Variants in GLT1D1 observed in about 807,000 individuals in gnomAD.
GLT1D1 encodes the protein glycosyltransferase 1 domain-containing protein 1.
Under a neutral mutation model 28.7 loss-of-function variants are expected in GLT1D1, and 21 were observed. That is an observed-to-expected ratio of 0.73 (90% CI 0.52 to 1.05). The LOEUF is 1.05. Among genes scored for constraint, GLT1D1 ranks in the 50% least tolerant of loss-of-function variants. The pLI, the probability that GLT1D1 is intolerant of heterozygous loss-of-function variation, is 0.00. For synonymous variants in GLT1D1, 147 were observed against 124.8 expected (o/e 1.18, Z -1.19); for missense variants, 343 against 330.6 (o/e 1.04, Z -0.29).
intron 4 of GLT1D1, 134 bp downstream of exon 6, chr12:128,915,123 G>C (rs193183980): frequency 5.8e-5 from 39 of 670,086 alleles, no homozygotes; most frequent in South Asian, 4.6e-4. Context: ...TCTGTCTGCG[G>C]CTTCATGAGT....
chr12:128,874,124 C>CTCTTTCTT lies in GLT1D1; in HGVS notation c.69-1744_69-1737dup, dbSNP rs756979442. ...TCTCTCTCTCTCTCTCTCTCTCTCT[C>CTCTTTCTT]TCTTTCTTTCTTTCTTTCTTTCTTT... On this transcript the variant is annotated intron_variant, in intron 1 of 7. Transcript: ENST00000281703. Among the ~76,000 whole-genome samples the CTCTTTCTT allele has an allele frequency of 9.9e-4, 39 of 39,266 alleles. 1 individual carries two copies. Among genetic ancestry groups the CTCTTTCTT allele is most frequent in the Middle Eastern group, 0.017 (1 of 58 alleles). 25.8% of individuals were successfully genotyped at this position (39,266 alleles called of 152,430 possible). A position where few individuals can be genotyped will look rare whatever the true frequency, so the allele number is the denominator to read the frequency against.
At chr12:128,927,999 C>CAAAAAAAAAAAAAAAAAAAAAA (rs938188484) in intron 4 of GLT1D1, among the ~76,000 whole-genome samples, 8 of 42,250 alleles carry the variant, frequency 1.9e-4, no homozygotes, top group African/African-American at 2.3e-4. Context: ...GACTCTGTCT[C>CAAAAAAAAAAAAAAAAAAAAAA]AAAAAAAAAA....
chr12:128,963,907 C>A (rs563693499), intron 7 of GLT1D1, among the ~76,000 whole-genome samples: 5 of 152,318 alleles, frequency 3.3e-5, no homozygotes, highest in African/African-American at 1.2e-4. Context: ...CCATCATGAG[C>A]GACACCTGTC....
chr12:128,889,631 G>A (rs999639433), intron 3 of GLT1D1, among the ~76,000 whole-genome samples: 1 of 152,128 alleles, frequency 6.6e-6, no homozygotes, highest in African/African-American at 2.4e-5. Flanking sequence ...ATGTCAATAC[G>A]GTGAAAGGAG....
chr12:128,957,780 G>A (rs1877453228), intron 7 of GLT1D1, 137 bp downstream of exon 11: 1 of 600,990 alleles, frequency 1.7e-6, no homozygotes, highest in African/African-American at 1.8e-5. Context: ...GCTGTCTTCT[G>A]TTATCACCTG....
intron 2 of GLT1D1, among the ~76,000 whole-genome samples, chr12:128,878,103 T>C (rs1344890217): frequency 6.6e-6 from 1 of 152,196 alleles, no homozygotes; most frequent in Non-Finnish European, 1.5e-5. Context: ...TCCCACAATA[T>C]CCTTCTGATT....
chr12:128,877,351 G>T (rs964767326), intron 2 of GLT1D1, among the ~76,000 whole-genome samples: 1 of 152,110 alleles, frequency 6.6e-6, no homozygotes, highest in Non-Finnish European at 1.5e-5. Context: ...ATTAAATTTT[G>T]GTCAGCAAAA....
chr12:128,940,281 A>C (rs963254498), intron 4 of GLT1D1, among the ~76,000 whole-genome samples: 1 of 152,186 alleles, frequency 6.6e-6, no homozygotes. Context: ...TCTAACAGCA[A>C]CCAGAGAGGC....
At chr12:128,981,175 C>A (rs748752402) in intron 7 of GLT1D1, among the ~76,000 whole-genome samples, 1 of 152,216 alleles carries the variant, frequency 6.6e-6, no homozygotes, top group African/African-American at 2.4e-5. Context: ...TTACTCATAA[C>A]CCCCCTCTCT....
chr12:128,864,224 C>G (rs539726608), intron 1 of GLT1D1: 1 of 612,900 alleles, frequency 1.6e-6, no homozygotes, highest in Admixed American at 2.5e-5. Flanking sequence ...ACGGGCACTC[C>G]GAGAGGCTTC....
intron 1 of GLT1D1, among the ~76,000 whole-genome samples, chr12:128,867,573 G>A (rs866038195): frequency 1.3e-5 from 2 of 152,116 alleles, no homozygotes; most frequent in Admixed American, 6.6e-5. Context: ...AGGTTCCGAC[G>A]CAGTAGTGAG....
chr12:128,982,376 T>C (rs1402693387), intron 7 of GLT1D1, among the ~76,000 whole-genome samples: 1 of 152,212 alleles, frequency 6.6e-6, no homozygotes, highest in Non-Finnish European at 1.5e-5. Context: ...AACCCAGGTC[T>C]GGCTCTGAAG....
chr12:128,880,650 A>G (rs915399924), intron 2 of GLT1D1, among the ~76,000 whole-genome samples: 1 of 152,186 alleles, frequency 6.6e-6, no homozygotes, highest in Non-Finnish European at 1.5e-5. Flanking sequence ...TGGCTGTGTG[A>G]TATTTCATTC....
intron 7 of GLT1D1, among the ~76,000 whole-genome samples, chr12:128,975,716 T>C (rs371662306): frequency 6.6e-6 from 1 of 152,180 alleles, no homozygotes; most frequent in East Asian, 1.9e-4. Flanking sequence ...GCTCCCAAAG[T>C]GCAGAGATTA....
chr12:128,904,888 C>T (rs1476875743), intron 4 of GLT1D1, among the ~76,000 whole-genome samples: 1 of 152,166 alleles, frequency 6.6e-6, no homozygotes, highest in Non-Finnish European at 1.5e-5. Flanking sequence ...CCTGCCTCGG[C>T]CTCCCAAAGT....
chr12:128,961,271 A>C (rs1429500512), intron 7 of GLT1D1, among the ~76,000 whole-genome samples: 1 of 152,224 alleles, frequency 6.6e-6, no homozygotes, highest in East Asian at 1.9e-4. Flanking sequence ...GATGCAGGAA[A>C]GCCAGTGGTG....
intron 2 of GLT1D1, among the ~76,000 whole-genome samples, chr12:128,887,750 A>G: frequency 6.6e-6 from 1 of 152,218 alleles, no homozygotes; most frequent in East Asian, 1.9e-4. Context: ...GGCCAGTAAA[A>G]GGAAAGATCA....
intron 1 of GLT1D1, among the ~76,000 whole-genome samples, chr12:128,855,223 T>TA (rs771286662): frequency 0.36 from 29,572 of 81,322 alleles, 6,728 homozygotes; most frequent in East Asian, 0.56. Context: ...AGACTCCATC[T>TA]AAAAAAAAAA....
chr12:128,969,136 C>T (rs759866585), intron 7 of GLT1D1, among the ~76,000 whole-genome samples: 77 of 125,008 alleles, frequency 6.2e-4, no homozygotes, highest in Non-Finnish European at 9.9e-4. Flanking sequence ...TGTAGCCTTC[C>T]TCCCTCTCAG....
Sources: gnomAD v4.1 joint callset for allele counts (sites outside exome capture counted in the v4.1 genomes callset) on GRCh38, gnomAD v4.1.1 for gene constraint, MANE v1.5 for transcripts, NCBI Gene and HGNC (gene_info 2026-07-23, HGNC 2026-07-21) for gene names.